The following PABPC1 variants were observed in gnomAD, a reference collection of about 807,000 sequenced individuals.
The protein encoded by PABPC1 is polyadenylate-binding protein 1.
A neutral mutation model predicts 74.0 loss-of-function variants in PABPC1; 4 were observed. The observed-to-expected ratio is 0.05, with a 90% CI of 0.03 to 0.12. The LOEUF (loss-of-function observed/expected upper bound fraction) is 0.12. Among genes scored for constraint, PABPC1 ranks in the 10% least tolerant of loss-of-function variants. PABPC1 has a pLI of 1.00. For synonymous variants in PABPC1, 227 were observed against 264.1 expected (o/e 0.86, Z 1.36); for missense variants, 271 against 821.1 (o/e 0.33, Z 8.19).
intron 7 of PABPC1, 105 bp from the exon 8 acceptor site, chr8:100,709,836 C>T (rs891712635): frequency 1.8e-5 from 22 of 1,210,586 alleles, no homozygotes; most frequent in Non-Finnish European, 2.3e-5. Flanking sequence ...AATAACTAAA[C>T]CCTGTTAATG....
At position 100,715,433 on chromosome 8, in the gene PABPC1, T is replaced by A. The variant is rs1810644874; in HGVS notation, c.643+29A>T. The A allele has an allele frequency of 3.8e-6, 6 of 1,560,302 alleles. No homozygotes were observed. The East Asian group carries it at 1.4e-4, about 35-fold the overall frequency. ...CACTGAGCACTAATTCAGAGCTTTGTGTGTAAAAATTTAATTAAGACACAT... is the reference window on the plus strand; with the variant it reads ...CACTGAGCACTAATTCAGAGCTTTGAGTGTAAAAATTTAATTAAGACACAT... On this transcript the variant is annotated intron_variant, in intron 4 of 14. Coordinates refer to ENST00000318607, the MANE Select transcript of PABPC1 (RefSeq NM_002568.4).
At chr8:100,717,024 T>A (rs976198832) in intron 3 of PABPC1, among the ~76,000 whole-genome samples, 1 of 152,234 alleles carries the variant, frequency 6.6e-6, no homozygotes, top group African/African-American at 2.4e-5. Context: ...TTATTTATTT[T>A]TTTTAAAGAC....
Position 100,722,082 on chromosome 8 carries a change from G to C in PABPC1, c.-499C>G, listed in dbSNP as rs529664593. 1 of 152,778 alleles carries C rather than the reference G, an allele frequency of 6.5e-6. No individual in the cohort carries two copies. The highest frequency in any genetic ancestry group is 2.4e-5 in the African/African-American group (1 of 41,434). The allele number at this position is 152,778 out of a possible 1,614,324, so 9.5% of individuals were successfully genotyped here. ...CACTCTCAGCACTAACCGCCGGGGA[G>C]AAGGGGAAGCACCGCCTCCTGCACC... is the stretch of plus-strand genomic sequence containing the variant. On this transcript the variant is annotated 5_prime_UTR_variant, in exon 1 of 15. Transcript: ENST00000318607.
intron 7 of PABPC1, chr8:100,709,987 T>G (rs1306106313): frequency 2.7e-6 from 1 of 368,780 alleles, no homozygotes; most frequent in Non-Finnish European, 4.9e-6. Flanking sequence ...TTTTAAAGAT[T>G]TTAGATACTG....
At chr8:100,720,922 G>A (rs1402900500) in intron 1 of PABPC1, among the ~76,000 whole-genome samples, 4 of 152,186 alleles carry the variant, frequency 2.6e-5, no homozygotes, top group Non-Finnish European at 5.9e-5. Context: ...GGGCCTGCGA[G>A]GTTACAGGGT....
rs202239532 is a variant in PABPC1, at chr8:100,721,033, CG to C, written c.193+357del. Among the ~76,000 whole-genome samples the C allele has an allele frequency of 0.027, 4,129 of 152,298 alleles. 180 individuals are homozygous for C. Among genetic ancestry groups the C allele is most frequent in the African/African-American group, 0.093 (3,845 of 41,550 alleles). ...TGGGAGCGCCTCCACCTCTTACCCACGGAAGGAGCTCAGCGTTCAACGCCCC... is the reference window on the plus strand; with the variant it reads ...TGGGAGCGCCTCCACCTCTTACCCACGAAGGAGCTCAGCGTTCAACGCCCC... On this transcript the variant is annotated intron_variant, in intron 1 of 14. Coordinates refer to ENST00000318607, the MANE Select transcript of PABPC1 (RefSeq NM_002568.4). This position sits in a 1 kb window ranked among gnomAD's most constrained non-coding sequence, Gnocchi z 7.4.
intron 1 of PABPC1, among the ~76,000 whole-genome samples, chr8:100,719,878 G>A (rs1810769907): frequency 6.6e-6 from 1 of 152,154 alleles, no homozygotes; most frequent in Non-Finnish European, 1.5e-5. Context: ...TCCTGCCTAA[G>A]GTTGACAAGA....
chr8:100,704,880 C>G, intron 13 of PABPC1, 46 bp downstream of exon 13: 2 of 1,602,228 alleles, frequency 1.2e-6, no homozygotes, highest in Non-Finnish European at 8.5e-7. Context: ...TAAAAAGCCA[C>G]GTAATAACTG....
chr8:100,720,109 A>C (rs1424558309), intron 1 of PABPC1, among the ~76,000 whole-genome samples: 2 of 152,192 alleles, frequency 1.3e-5, no homozygotes, highest in Non-Finnish European at 2.9e-5. Flanking sequence ...AATAAAAATG[A>C]ATTCTTCATA....
chr8:100,705,061 GAACAGA>G lies in PABPC1; in HGVS notation c.1688-11_1688-6del, dbSNP rs1563608726. 6.3e-7 allele frequency: 1 copy of G among 1,599,856 alleles called. No homozygotes were observed. Among genetic ancestry groups the G allele is most frequent in the Non-Finnish European group, 8.5e-7 (1 of 1,175,050 alleles). ...TAAGAGGAAACAGCCGTTCACCTAGGAACAGAAACATTCAAAAACTCCCTTCAATAA... is the reference window on the plus strand; with the variant it reads ...TAAGAGGAAACAGCCGTTCACCTAGGAACATTCAAAAACTCCCTTCAATAA... On this transcript the variant is annotated splice_polypyrimidine_tract_variant and splice_region_variant and intron_variant, in intron 12 of 14. Transcript: ENST00000318607.
intron 9 of PABPC1, among the ~76,000 whole-genome samples, chr8:100,707,552 A>C (rs1343632507): frequency 6.6e-6 from 1 of 152,344 alleles, no homozygotes; most frequent in East Asian, 1.9e-4. Context: ...TTGTTTCTGC[A>C]TATTAGAGAC....
At chr8:100,704,483 G>A (rs2129664916) in intron 13 of PABPC1, 93 bp from the exon 14 acceptor site, 2 of 1,055,414 alleles carry the variant, frequency 1.9e-6, no homozygotes, top group East Asian at 2.4e-5. Context: ...ACAAAGATAA[G>A]TTTCTTCCCT....
At position 100,721,413 on chromosome 8, in the gene PABPC1, C is replaced by A. The variant is rs1810829106; in HGVS notation, c.171G>T (p.Val57=). 2 of 1,564,294 alleles carry A rather than the reference C, an allele frequency of 1.3e-6. No homozygotes were observed. Among genetic ancestry groups the A allele is most frequent in the Non-Finnish European group, 1.7e-6 (2 of 1,154,336 alleles). Residue 57 remains valine (V), a synonymous_variant, in exon 1 of 15, where the codon GTG becomes GTT. Coordinates refer to ENST00000318607, the MANE Select transcript of PABPC1 (RefSeq NM_002568.4). The surrounding 1 kb of genome is among the most constrained non-coding windows in gnomAD (Gnocchi z 7.4). Reference sequence around the variant, plus strand: ...CACCGTCCGCCGGCTGCTGGAAGTTCACATACGCGTAGCCCAAGGAGCGGC... The same window carrying A: ...CACCGTCCGCCGGCTGCTGGAAGTTAACATACGCGTAGCCCAAGGAGCGGC... The part of the protein sequence containing the change: ...ITRRSLGYAY[V]NFQQPADAER...
At chr8:100,709,087 A>G (rs376355480) in intron 9 of PABPC1, 46 bp downstream of exon 9, 2 of 1,415,860 alleles carry the variant, frequency 1.4e-6, no homozygotes, top group Non-Finnish European at 1.0e-6. Context: ...CCAATGTGTT[A>G]TTTTTAACTC....
chr8:100,711,825 T>A (rs555429827), intron 7 of PABPC1, among the ~76,000 whole-genome samples: 1 of 152,354 alleles, frequency 6.6e-6, no homozygotes, highest in Admixed American at 6.5e-5. Flanking sequence ...AGCAAAATTA[T>A]GTATGCACAA....
rs1810289943 is a variant in PABPC1 at position 100,703,229 on chromosome 8, CAA to C, written c.*130_*131del. The C allele has an allele frequency of 6.0e-6, 1 of 167,508 alleles. No homozygotes were observed. Among genetic ancestry groups the C allele is most frequent in the Non-Finnish European group, 1.5e-5 (1 of 68,622 alleles). 10.4% of individuals were successfully genotyped at this position (167,508 alleles called of 1,614,324 possible). On this transcript the variant is annotated 3_prime_UTR_variant, in exon 15 of 15. Coordinates refer to ENST00000318607, the MANE Select transcript of PABPC1 (RefSeq NM_002568.4). ...TGGCATTTGCTCGGTACATAAGGTTCAAAGTTTCCTTTCCTTTTTTTATTTAT... is the reference window on the plus strand; with the variant it reads ...TGGCATTTGCTCGGTACATAAGGTTCAGTTTCCTTTCCTTTTTTTATTTAT...
chr8:100,709,000 A>G (rs1810458599), intron 9 of PABPC1, 133 bp downstream of exon 9: 5 of 753,952 alleles, frequency 6.6e-6, no homozygotes, highest in South Asian at 1.7e-5. Context: ...TAAATGCTAT[A>G]AAAATGAACA....
At position 100,717,835 on chromosome 8, in the gene PABPC1, C is replaced by A. The variant is rs745540127; in HGVS notation, c.441G>T (p.Thr147=). The A allele has an allele frequency of 1.2e-6, 2 of 1,613,968 alleles. No homozygotes were observed. The highest frequency in any genetic ancestry group is 1.1e-5 in the South Asian group (1 of 91,084). The part of the protein sequence containing the change: ...SKGYGFVHFE[T]QEAAERAIEK... ...CAATAGCTCTTTCAGCTGCTTCCTGCGTCTCAAAGTGTACAAATCCATAGC... is the reference window on the plus strand; with the variant it reads ...CAATAGCTCTTTCAGCTGCTTCCTGAGTCTCAAAGTGTACAAATCCATAGC... The change falls in exon 3 of 15, where the codon ACG becomes ACT. Residue 147 remains threonine, a synonymous_variant. Transcript: ENST00000318607.
intron 9 of PABPC1, 52 bp from the exon 10 acceptor site, chr8:100,707,049 A>G (rs758000340): frequency 1.5e-6 from 2 of 1,321,636 alleles, no homozygotes; most frequent in Admixed American, 1.8e-5. Context: ...TACTGAGTGA[A>G]AAGTGTTTAT....
Sources: allele counts gnomAD v4.1 joint callset (sites outside exome capture counted in the v4.1 genomes callset), GRCh38; gene constraint gnomAD v4.1.1; non-coding constraint Gnocchi (gnomAD v3.1); transcripts MANE v1.5; gene names NCBI Gene and HGNC (gene_info 2026-07-23, HGNC 2026-07-21).